PTK7: variants seen among roughly 807,000 people sequenced by gnomAD.
PTK7 encodes the protein protein tyrosine kinase 7 (inactive).
A neutral mutation model predicts 116.6 loss-of-function variants in PTK7; 39 were observed. That is an observed-to-expected ratio of 0.33 (90% CI 0.26 to 0.44). PTK7 has a LOEUF of 0.44. PTK7 is among the 20% of genes least tolerant of loss of function. PTK7 has a pLI of 1.00. For synonymous variants in PTK7, 546 were observed against 563.6 expected (o/e 0.97, Z 0.44); for missense variants, 1,169 against 1,425.6 (o/e 0.82, Z 2.90).
intron 7 of PTK7, among the ~76,000 whole-genome samples, chr6:43,135,596 T>A (rs1287414782): frequency 6.6e-6 from 1 of 152,152 alleles, no homozygotes; most frequent in African/African-American, 2.4e-5. Context: ...GAGCCAGCCA[T>A]GTGATAGGCC....
intron 1 of PTK7, among the ~76,000 whole-genome samples, chr6:43,095,308 G>A (rs1173601418): frequency 6.6e-6 from 1 of 151,956 alleles, no homozygotes; most frequent in Non-Finnish European, 1.5e-5. Flanking sequence ...GGAGGCGGAG[G>A]TTGCAGTGAG....
intron 1 of PTK7, among the ~76,000 whole-genome samples, chr6:43,120,233 G>A (rs933956332): frequency 2.6e-5 from 4 of 152,114 alleles, no homozygotes; most frequent in Non-Finnish European, 4.4e-5. Context: ...ATTCCCCCAC[G>A]CGTGCTCTCA....
intron 7 of PTK7, chr6:43,132,888 T>C (rs1769786168): frequency 1.4e-6 from 1 of 702,566 alleles, no homozygotes; most frequent in Non-Finnish European, 2.5e-6. Context: ...CCAGAGGAAA[T>C]AGTGACAGCC....
intron 1 of PTK7, among the ~76,000 whole-genome samples, chr6:43,081,769 A>G (rs1766396920): frequency 6.6e-6 from 1 of 152,224 alleles, no homozygotes; most frequent in South Asian, 2.1e-4. Flanking sequence ...GCAGGGCAGA[A>G]TGATCAAGGG....
intron 1 of PTK7, among the ~76,000 whole-genome samples, chr6:43,123,075 A>G (rs1769059060): frequency 1.3e-5 from 2 of 152,180 alleles, no homozygotes; most frequent in Admixed American, 1.3e-4. Context: ...CTGGGCCGGT[A>G]GCATCAAGCT....
chr6:43,137,709 A>G (rs888884464), intron 7 of PTK7, among the ~76,000 whole-genome samples: 4 of 152,226 alleles, frequency 2.6e-5, no homozygotes, highest in African/African-American at 7.2e-5. Flanking sequence ...AAGAAGAACA[A>G]GGGTTTCAGA....
At chr6:43,144,199 T>C (rs1345004892) in intron 14 of PTK7, 1 of 521,164 alleles carries the variant, frequency 1.9e-6, no homozygotes, top group Admixed American at 3.2e-5. Context: ...TCAGATTAGA[T>C]GTCTGCAGTT....
Position 43,142,306 on chromosome 6 carries a change from G to A in PTK7, c.2047+7G>A, listed in dbSNP as rs1380269327. 6.2e-7 allele frequency: 1 copy of A among 1,613,998 alleles called. No homozygotes were observed. The highest frequency in any genetic ancestry group is 2.2e-5 in the East Asian group (1 of 44,884). On this transcript the variant is annotated splice_region_variant and intron_variant, in intron 13 of 19. Transcript: ENST00000230419. ...GCCCCCCTCTATGTCGTGGGTATGG[G>A]CTGGGGAGGGTTATGCTGCACAGGA...
At chr6:43,132,713 A>C in intron 7 of PTK7, 26 bp downstream of exon 7, 1 of 1,553,162 alleles carries the variant, frequency 6.4e-7, no homozygotes, top group Non-Finnish European at 8.7e-7. Context: ...CTGAAGGTCA[A>C]GGAGAGGTGG....
At chr6:43,088,730 T>TA in intron 1 of PTK7, among the ~76,000 whole-genome samples, 1 of 151,084 alleles carries the variant, frequency 6.6e-6, no homozygotes, top group Non-Finnish European at 1.5e-5. Context: ...AATAAATAAA[T>TA]AAAGAGTTAT....
At chr6:43,155,300 G>A (rs1771359424) in intron 17 of PTK7, among the ~76,000 whole-genome samples, 1 of 152,110 alleles carries the variant, frequency 6.6e-6, no homozygotes, top group Non-Finnish European at 1.5e-5. Flanking sequence ...TGGGACTACA[G>A]GTGCCTGGCT....
chr6:43,105,667 G>C (rs1046939027), intron 1 of PTK7, among the ~76,000 whole-genome samples: 1 of 152,080 alleles, frequency 6.6e-6, no homozygotes, highest in Non-Finnish European at 1.5e-5. Flanking sequence ...GAAGAGAAAA[G>C]GCCCAGAGAC....
At chr6:43,136,827 C>A (rs1192912031) in intron 7 of PTK7, among the ~76,000 whole-genome samples, 4 of 151,990 alleles carry the variant, frequency 2.6e-5, no homozygotes, top group African/African-American at 9.7e-5. Flanking sequence ...ATGGCCAGAC[C>A]CCGTCTCTAC....
rs547644252 is a variant in PTK7 at position 43,098,400 on chromosome 6, G to C, written c.79+21833G>C. Among the ~76,000 whole-genome samples, 148 of 151,216 alleles carry C rather than the reference G, an allele frequency of 9.8e-4. 5 individuals are homozygous for C. The South Asian group carries it at 0.03, about 31-fold the overall frequency. On this transcript the variant is annotated intron_variant, in intron 1 of 19. Transcript: ENST00000230419. ...TGAGACAGCCTCGCTCTGTCGCCCA[G>C]GCTGGAGTGTAGTGGTGCAATTTCA...
chr6:43,153,432 C>G (rs1392448939), intron 17 of PTK7, among the ~76,000 whole-genome samples: 2 of 147,404 alleles, frequency 1.4e-5, no homozygotes, highest in African/African-American at 5.0e-5. Context: ...TTTTTTGAGA[C>G]AGAGTCTCAT....
Position 43,132,053 on chromosome 6 carries a change from G to A in PTK7, c.850G>A (p.Gly284Arg). The A allele has an allele frequency of 1.2e-6, 2 of 1,614,046 alleles. No homozygotes were observed. ...CCGCAGAGCCACAGTGTTTGCCAAC[G>A]GGTCTCTGCTGCTGACCCAGGTCCG... ...HLRRATVFAN[G>R]SLLLTQVRPR... is the part of the protein sequence containing the mutation. Residue 284 changes from glycine to arginine, a missense_variant, in exon 6 of 20, where the codon GGG becomes AGG. Physicochemically the swap from Gly to Arg is moderately radical, Grantham distance 125 (BLOSUM62 -2). This residue lies in a region of PTK7 where 487 missense variants were observed against 549.8 expected (regional missense o/e 0.89). Transcript: ENST00000230419.
At chr6:43,110,899 G>T (rs1768159313) in intron 1 of PTK7, among the ~76,000 whole-genome samples, 1 of 152,168 alleles carries the variant, frequency 6.6e-6, no homozygotes, top group South Asian at 2.1e-4. Context: ...CTGTTGGCGG[G>T]GCCTCCTAGG....
chr6:43,112,155 A>G (rs1768227027), intron 1 of PTK7, among the ~76,000 whole-genome samples: 1 of 152,200 alleles, frequency 6.6e-6, no homozygotes, highest in Non-Finnish European at 1.5e-5. Context: ...CCAGCACCTT[A>G]CAGTTACATG....
rs747399017 is a variant in PTK7 at position 43,129,052 on chromosome 6, G to T, written c.155G>T (p.Arg52Leu). The change falls in exon 2 of 20, where the codon CGC becomes CTC. Residue 52 changes from arginine (R) to leucine (L), a missense_variant. By Grantham distance (102) the Arg-to-Leu change is moderately radical. Around this residue, in one of 3 missense-constraint regions of PTK7, gnomAD observed 487 missense variants for 549.8 expected, o/e 0.89. Transcript: ENST00000230419. The surrounding 1 kb of genome is among the most constrained non-coding windows in gnomAD (Gnocchi z 4.5). ...CTGCAGGGGCGCCGGGCGCTGCTTC[G>T]CTGTGAGGTTGAGGCTCCGGGCCCG... ...DALQGRRALL[R>L]CEVEAPGPVH... The T allele has an allele frequency of 1.2e-6, 2 of 1,614,190 alleles. No homozygotes were observed. The highest frequency in any genetic ancestry group is 1.7e-6 in the Non-Finnish European group (2 of 1,180,032).
Sources: gnomAD v4.1 joint callset for allele counts (sites outside exome capture counted in the v4.1 genomes callset) on GRCh38, gnomAD v4.1.1 for gene constraint, gnomAD v4.1.1 regional missense constraint, Gnocchi (gnomAD v3.1) non-coding constraint, MANE v1.5 for transcripts, NCBI Gene and HGNC (gene_info 2026-07-23, HGNC 2026-07-21) for gene names.